Variants in LRP11 observed in about 807,000 individuals in gnomAD.
LRP11 encodes the protein low-density lipoprotein receptor-related protein 11.
LRP11 carries 25 observed loss-of-function variants against 43.1 expected under a neutral mutation model. The ratio of observed to expected loss-of-function variants is 0.58; its 90% CI spans 0.42 to 0.81. LRP11 has a LOEUF of 0.81. Among genes scored for constraint, LRP11 ranks in the 30% least tolerant of loss-of-function variants. LRP11 has a pLI of 0.00. For missense variants in LRP11, 623 were observed against 665.1 expected (o/e 0.94, Z 0.70); for synonymous variants, 316 against 299.4 (o/e 1.06, Z -0.57).
chr6:149,861,450 A>G (rs1294179818), intron 1 of LRP11, among the ~76,000 whole-genome samples: 4 of 152,014 alleles, frequency 2.6e-5, no homozygotes, highest in Non-Finnish European at 5.9e-5. Flanking sequence ...TCCCCTGGGG[A>G]AAGGAAGGGC....
chr6:149,830,279 G>A (rs577763317), intron 5 of LRP11, among the ~76,000 whole-genome samples: 5 of 152,188 alleles, frequency 3.3e-5, no homozygotes, highest in African/African-American at 1.2e-4. Flanking sequence ...CCAAAGTGCT[G>A]GAATTACAGG....
intron 3 of LRP11, among the ~76,000 whole-genome samples, chr6:149,837,957 G>A (rs540444847): frequency 2.0e-5 from 3 of 152,100 alleles, no homozygotes; most frequent in African/African-American, 4.8e-5. Flanking sequence ...TCACTCTGTC[G>A]CCCAGGCTGA....
At chr6:149,826,005 G>A in intron 6 of LRP11, 1 of 443,188 alleles carries the variant, frequency 2.3e-6, no homozygotes, top group South Asian at 3.3e-5. Flanking sequence ...CTCCCACCAT[G>A]CCACAAGTAT....
Position 149,863,507 on chromosome 6 carries a change from C to T in LRP11, c.514G>A (p.Val172Ile). 2.2e-6 allele frequency: 3 copies of T among 1,347,448 alleles called. No individual in the cohort carries two copies. The highest frequency in any genetic ancestry group is 2.8e-6 in the Non-Finnish European group (3 of 1,058,734). 83.5% of individuals were successfully genotyped at this position (1,347,448 alleles called of 1,614,324 possible). Reference protein sequence around the residue: ...LFNCTARGRNVCKFALHSGYS... With the variant: ...LFNCTARGRNICKFALHSGYS... ...CCGCTGTGCAGCGCGAACTTGCAGACGTTGCGGCCGCGCGCCGTGCAGTTG... is the reference window on the plus strand; with the variant it reads ...CCGCTGTGCAGCGCGAACTTGCAGATGTTGCGGCCGCGCGCCGTGCAGTTG... Residue 172 changes from valine to isoleucine, a missense_variant, in exon 1 of 7, where the codon GTC becomes ATC. Transcript: ENST00000239367.
chr6:149,849,976 C>T (rs1015428143), intron 2 of LRP11, among the ~76,000 whole-genome samples: 1 of 152,128 alleles, frequency 6.6e-6, no homozygotes, highest in Non-Finnish European at 1.5e-5. Context: ...GGAGAGATCA[C>T]TACTCTGCCT....
At chr6:149,846,415 C>G (rs886167776) in intron 2 of LRP11, among the ~76,000 whole-genome samples, 1 of 152,170 alleles carries the variant, frequency 6.6e-6, no homozygotes, top group African/African-American at 2.4e-5. Flanking sequence ...TAAGGTGACA[C>G]AAGAAAGCTG....
At chr6:149,840,186 T>C (rs929178057) in intron 3 of LRP11, among the ~76,000 whole-genome samples, 2 of 152,228 alleles carry the variant, frequency 1.3e-5, no homozygotes, top group Non-Finnish European at 2.9e-5. Context: ...GGGTCATTCA[T>C]TGCAAGACCA....
chr6:149,859,177 GA>G (rs1776847728), intron 1 of LRP11, among the ~76,000 whole-genome samples: 5 of 151,868 alleles, frequency 3.3e-5, no homozygotes, highest in Admixed American at 3.3e-4. Context: ...GGTGAGCACA[GA>G]AGTGTATATG....
At position 149,863,459 on chromosome 6, in the gene LRP11, G is replaced by C; in HGVS notation, c.562C>G (p.Arg188Gly). Residue 188 changes from arginine (R) to glycine (G), a missense_variant, in exon 1 of 7, where the codon CGC (arginine) becomes GGC (glycine). Arg to Gly is a moderately radical substitution (Grantham distance 125). Coordinates refer to ENST00000239367, the MANE Select transcript of LRP11 (RefSeq NM_032832.6). ...HSGYSSYSLS[R>G]APDGAALATA... ...GCCAGGGCGGCGCCGTCCGGCGCGC[G>C]GCTGAGGCTGTAGCTGCTGTAGCCG... The C allele has an allele frequency of 7.5e-7, 1 of 1,332,614 alleles. No individual in the cohort carries two copies. Among genetic ancestry groups the C allele is most frequent in the African/African-American group, 1.5e-5 (1 of 64,978 alleles). 82.5% of individuals were successfully genotyped at this position (1,332,614 alleles called of 1,614,324 possible). A position where few individuals can be genotyped will look rare whatever the true frequency, so the allele number is the denominator to read the frequency against.
rs1776575088 is a variant in LRP11 at position 149,843,079 on chromosome 6, T to C, written c.817A>G (p.Thr273Ala). 6.2e-7 allele frequency: 1 copy of C among 1,614,108 alleles called. No individual in the cohort carries two copies. The highest frequency in any genetic ancestry group is 8.5e-7 in the Non-Finnish European group (1 of 1,179,994). The change falls in exon 3 of 7, where the codon ACC becomes GCC. Residue 273 changes from threonine (T) to alanine (A), a missense_variant. By Grantham distance (58) the Thr-to-Ala change is moderately conservative (BLOSUM62 0). Transcript: ENST00000239367. Reference protein sequence around the residue: ...TLKLSHLQEGTYTFQLTVTDT... With the variant: ...TLKLSHLQEGAYTFQLTVTDT... ...GTCACGGTCAGCTGGAAGGTGTAGG[T>C]TCCCTCCTGTAGGTGGGACAGCTTC...
rs571171780 is a variant in LRP11, at chr6:149,851,213, G to A, written c.771+1790C>T. On this transcript the variant is annotated intron_variant, in intron 2 of 6. Transcript: ENST00000239367. ...CTTGAAGGCAAGAAAAATGCAGCAC[G>A]AACCCACTGTGTGATGCAGCTACTG... 9.2e-5 allele frequency among the ~76,000 whole-genome samples: 14 copies of A among 152,286 alleles called. No homozygotes were observed. In the South Asian group the frequency reaches 1.5e-3, roughly 16 times the overall value.
chr6:149,835,957 C>G (rs1012248785), intron 5 of LRP11, 128 bp downstream of exon 5: 1 of 884,768 alleles, frequency 1.1e-6, no homozygotes, highest in Admixed American at 2.5e-5. Context: ...CCTTTCTGGC[C>G]AAATTCTTAA....
intron 1 of LRP11, among the ~76,000 whole-genome samples, chr6:149,854,700 C>T (rs951819481): frequency 3.9e-5 from 6 of 152,220 alleles, no homozygotes; most frequent in Non-Finnish European, 8.8e-5. Context: ...TGCCAAAGCT[C>T]TGGTTCGAGT....
chr6:149,858,513 C>CATGTGTCTTT (rs1401627679), intron 1 of LRP11, among the ~76,000 whole-genome samples: 4 of 152,176 alleles, frequency 2.6e-5, no homozygotes, highest in African/African-American at 9.7e-5. Flanking sequence ...CATACATGTG[C>CATGTGTCTTT]ATGTGTCTTT....
rs1410805197 is a variant in LRP11, at chr6:149,864,227, C to T, written c.-207G>A. On this transcript the variant is annotated 5_prime_UTR_variant, in exon 1 of 7. Transcript: ENST00000239367. ...CCGCAGTAGCGGGAGACATAGCCGGCCCAGCCGGGCACCGCTCCTTGCCCT... is the reference window on the plus strand; with the variant it reads ...CCGCAGTAGCGGGAGACATAGCCGGTCCAGCCGGGCACCGCTCCTTGCCCT... 2.7e-6 allele frequency: 3 copies of T among 1,101,144 alleles called. No individual in the cohort carries two copies. The highest frequency in any genetic ancestry group is 3.3e-6 in the Non-Finnish European group (3 of 906,000). 68.2% of individuals were successfully genotyped at this position (1,101,144 alleles called of 1,614,324 possible).
In LRP11 at chr6:149,820,194, A is replaced by AGG. The variant is rs1351856995; in HGVS notation, c.*353_*354dup. On this transcript the variant is annotated 3_prime_UTR_variant, in exon 7 of 7. Coordinates refer to ENST00000239367, the MANE Select transcript of LRP11 (RefSeq NM_032832.6). The stretch of plus-strand genomic sequence containing the variant: ...GGGCCTATAGCAGTCCAGCATGGTA[A>AGG]GGGGCCAACAGTTGGCTTCTAAAAG... 1 of 171,456 alleles carries AGG rather than the reference A, an allele frequency of 5.8e-6. No homozygotes were observed. Among genetic ancestry groups the AGG allele is most frequent in the Non-Finnish European group, 1.2e-5 (1 of 81,004 alleles). 10.6% of individuals were successfully genotyped at this position (171,456 alleles called of 1,614,324 possible). A position where few individuals can be genotyped will look rare whatever the true frequency, so the allele number is the denominator to read the frequency against.
chr6:149,824,924 A>G (rs921689127), intron 6 of LRP11, among the ~76,000 whole-genome samples: 1 of 151,960 alleles, frequency 6.6e-6, no homozygotes, highest in African/African-American at 2.4e-5. Flanking sequence ...TAGAGCTGAG[A>G]CTCTCTGGAT....
chr6:149,861,652 C>A (rs1374147206), intron 1 of LRP11, among the ~76,000 whole-genome samples: 1 of 152,110 alleles, frequency 6.6e-6, no homozygotes, highest in Non-Finnish European at 1.5e-5. Flanking sequence ...GAGCTGGGAT[C>A]ATAGACAGGC....
intron 5 of LRP11, among the ~76,000 whole-genome samples, chr6:149,835,563 G>A (rs1479952991): frequency 3.3e-5 from 5 of 152,216 alleles, no homozygotes; most frequent in Non-Finnish European, 5.9e-5. Context: ...AGCTGTGATC[G>A]CGTCACTGTA....
Sources: allele counts gnomAD v4.1 joint callset (sites outside exome capture counted in the v4.1 genomes callset), GRCh38; gene constraint gnomAD v4.1.1; transcripts MANE v1.5; gene names NCBI Gene and HGNC (gene_info 2026-07-23, HGNC 2026-07-21).